Variants in POGZ observed in about 807,000 individuals in gnomAD.
POGZ encodes the protein pogo transposable element derived with ZNF domain.
In POGZ, 17 loss-of-function variants were observed where a neutral mutation model predicts 134.6. That is an observed-to-expected ratio of 0.13 (90% confidence interval 0.09 to 0.19). The LOEUF (loss-of-function observed/expected upper bound fraction) is 0.19. POGZ is among the 10% of genes least tolerant of loss of function. The pLI, the probability that POGZ is intolerant of heterozygous loss-of-function variation, is 1.00. For missense variants in POGZ, 1,306 were observed against 1,769.7 expected (o/e 0.74, Z 4.70); for synonymous variants, 693 against 657.1 (o/e 1.05, Z -0.84).
Position 151,403,792 on chromosome 1 carries a change from G to A in POGZ, c.*1010C>T, listed in dbSNP as rs367686859. The A allele has an allele frequency of 7.1e-6, 7 of 985,400 alleles. No homozygotes were observed. Among genetic ancestry groups the A allele is most frequent in the Non-Finnish European group, 7.2e-6 (6 of 829,906 alleles). The allele number at this position is 985,400 out of a possible 1,614,324, so 61.0% of individuals were successfully genotyped here. A position where few individuals can be genotyped will look rare whatever the true frequency, so the allele number is the denominator to read the frequency against. On this transcript the variant is annotated 3_prime_UTR_variant, in exon 19 of 19. Coordinates refer to ENST00000271715, the MANE Select transcript of POGZ (RefSeq NM_015100.4). The stretch of plus-strand genomic sequence containing the variant: ...CTTGAACAATTAGCTCCTGGCTGTA[G>A]GACCAGTAATCCCTTAAACAGGCAT...
intron 3 of POGZ, 83 bp from the exon 4 acceptor site, chr1:151,430,924 T>C (rs908772319): frequency 5.1e-6 from 3 of 591,574 alleles, no homozygotes; most frequent in African/African-American, 2.1e-5. Context: ...TTTTATTTTA[T>C]TTTATTTTAT....
intron 3 of POGZ, among the ~76,000 whole-genome samples, chr1:151,436,761 GGTT>G (rs1403462515): frequency 1.3e-5 from 2 of 152,182 alleles, no homozygotes; most frequent in African/African-American, 2.4e-5. Flanking sequence ...TATGGACACA[GGTT>G]GTTTTTACTT....
Position 151,423,625 on chromosome 1 carries a change from T to C in POGZ, c.1524-74A>G, listed in dbSNP as rs1219910907. Reference sequence around the variant, plus strand: ...GCCTTTTAGAAATATAATGGTAAAATCACAGAACAAACATTATCTGCTCCC... The same window carrying C: ...GCCTTTTAGAAATATAATGGTAAAACCACAGAACAAACATTATCTGCTCCC... On this transcript the variant is annotated intron_variant, in intron 9 of 18. Coordinates refer to ENST00000271715, the MANE Select transcript of POGZ (RefSeq NM_015100.4). 2.5e-6 allele frequency: 3 copies of C among 1,218,876 alleles called. No individual in the cohort carries two copies. In the African/African-American group the frequency reaches 4.5e-5, roughly 18 times the overall value. 75.5% of individuals were successfully genotyped at this position (1,218,876 alleles called of 1,614,324 possible).
chr1:151,428,564 C>T lies in POGZ; in HGVS notation c.569-151G>A, dbSNP rs1658153477. 4 of 712,356 alleles carry T rather than the reference C, an allele frequency of 5.6e-6. No individual in the cohort carries two copies. In the East Asian group the frequency reaches 1.0e-4, roughly 18 times the overall value. 44.1% of individuals were successfully genotyped at this position (712,356 alleles called of 1,614,324 possible). ...GTATAGATTCTAAAGACTAAGAAAG[C>T]ACAAGGTGTCCATGTTGACAAAATA... On this transcript the variant is annotated intron_variant, in intron 5 of 18. Coordinates refer to ENST00000271715, the MANE Select transcript of POGZ (RefSeq NM_015100.4).
chr1:151,424,298 G>A lies in POGZ; in HGVS notation c.1186-12C>T. ...TCTGGGCAACAGTACTATAAAGAAAGACATCTGATCATTCTGGTTATCCTG... is the reference window on the plus strand; with the variant it reads ...TCTGGGCAACAGTACTATAAAGAAAAACATCTGATCATTCTGGTTATCCTG... On this transcript the variant is annotated splice_polypyrimidine_tract_variant and intron_variant, in intron 8 of 18. Transcript: ENST00000271715. The A allele has an allele frequency of 1.3e-6, 2 of 1,496,324 alleles. No homozygotes were observed. The highest frequency in any genetic ancestry group is 9.1e-7 in the Non-Finnish European group (1 of 1,098,276). The allele number at this position is 1,496,324 out of a possible 1,614,324, so 92.7% of individuals were successfully genotyped here. A position where few individuals can be genotyped will look rare whatever the true frequency, so the allele number is the denominator to read the frequency against.
In POGZ at chr1:151,406,999, T is replaced by C. The variant is rs757066665; in HGVS notation, c.2457A>G (p.Ser819=). Residue 819 remains serine, a synonymous_variant, in exon 17 of 19, where the codon TCA becomes TCG. Coordinates refer to ENST00000271715, the MANE Select transcript of POGZ (RefSeq NM_015100.4). ...CGCCCACAGAGGTAACAAAGGTACA[T>C]GAAGTGCAGGCCAGCTTGATTCCAC... ...SVSGIKLACT[S]CTFVTSVGDA... The C allele has an allele frequency of 2.5e-6, 4 of 1,614,060 alleles. No individual in the cohort carries two copies. The highest frequency in any genetic ancestry group is 3.4e-6 in the Non-Finnish European group (4 of 1,179,922).
chr1:151,455,834 T>C (rs1194056143), intron 1 of POGZ, among the ~76,000 whole-genome samples: 1 of 151,602 alleles, frequency 6.6e-6, no homozygotes, highest in Non-Finnish European at 1.5e-5. Context: ...AGTATTTTAA[T>C]AACCTTTTCA....
At chr1:151,410,378 A>G (rs1049305475) in intron 12 of POGZ, among the ~76,000 whole-genome samples, 2 of 152,174 alleles carry the variant, frequency 1.3e-5, no homozygotes, top group African/African-American at 4.8e-5. Context: ...GCTCTCATCA[A>G]TGTTGCTAAA....
intron 1 of POGZ, among the ~76,000 whole-genome samples, chr1:151,443,588 C>T (rs2102378413): frequency 6.6e-6 from 1 of 152,268 alleles, no homozygotes; most frequent in East Asian, 1.9e-4. Context: ...GTGGTGCATG[C>T]CTGTAATCCC....
intron 1 of POGZ, chr1:151,455,062 G>C (rs1270164919): frequency 6.6e-6 from 1 of 151,390 alleles, no homozygotes; most frequent in Non-Finnish European, 1.5e-5. Flanking sequence ...AGCCGAGATT[G>C]CGCCATTACG....
intron 3 of POGZ, 126 bp downstream of exon 3, chr1:151,440,802 A>G: frequency 1.4e-6 from 1 of 714,960 alleles, no homozygotes; most frequent in Non-Finnish European, 2.4e-6. Context: ...AATCATTACT[A>G]AATTCATTTT....
At chr1:151,433,395 G>T (rs1571486847) in intron 3 of POGZ, among the ~76,000 whole-genome samples, 2 of 151,962 alleles carry the variant, frequency 1.3e-5, no homozygotes, top group South Asian at 4.1e-4. Flanking sequence ...ATCACCTGAA[G>T]TCAGGAGTTT....
intron 1 of POGZ, chr1:151,454,993 G>C (rs565883478): frequency 6.6e-6 from 1 of 152,154 alleles, no homozygotes; most frequent in East Asian, 1.9e-4. Context: ...TGTAATCCCA[G>C]CTACTGAGGA....
chr1:151,417,420 G>A (rs1193538902), intron 10 of POGZ, among the ~76,000 whole-genome samples: 4 of 150,458 alleles, frequency 2.7e-5, no homozygotes, highest in African/African-American at 4.9e-5. Context: ...TAGTGCAATG[G>A]TGTGATCTCA....
rs1469430737 is a variant in POGZ at position 151,403,498 on chromosome 1, T to C, written c.*1304A>G. On this transcript the variant is annotated 3_prime_UTR_variant, in exon 19 of 19. Coordinates refer to ENST00000271715, the MANE Select transcript of POGZ (RefSeq NM_015100.4). ...TCAGGATAAACAGAAGACTTGGTTT[T>C]TTGCTCCTTTTCTCTGTACGGTACA... The C allele has an allele frequency of 1.0e-6, 1 of 985,708 alleles. No homozygotes were observed. The highest frequency in any genetic ancestry group is 1.1e-4 in the East Asian group (1 of 8,834). 61.1% of individuals were successfully genotyped at this position (985,708 alleles called of 1,614,324 possible).
chr1:151,427,388 C>G (rs1305993549), intron 7 of POGZ: 1 of 186,208 alleles, frequency 5.4e-6, no homozygotes, highest in Non-Finnish European at 1.2e-5. Flanking sequence ...GCAACAGAGG[C>G]TATATATTGT....
intron 1 of POGZ, 176 bp from the exon 2 acceptor site, chr1:151,442,381 A>G (rs1660669335): frequency 4.3e-6 from 2 of 465,898 alleles, no homozygotes; most frequent in African/African-American, 2.0e-5. Context: ...CTATTATTGA[A>G]TATTAGAATC....
At chr1:151,417,180 A>T (rs896369945) in intron 10 of POGZ, among the ~76,000 whole-genome samples, 2 of 134,664 alleles carry the variant, frequency 1.5e-5, no homozygotes, top group Admixed American at 1.5e-4. Context: ...TCTCCTGCCT[A>T]AGCCTCCCGA....
chr1:151,403,610 G>A lies in POGZ; in HGVS notation c.*1192C>T, dbSNP rs1653078863. On this transcript the variant is annotated 3_prime_UTR_variant, in exon 19 of 19. Transcript: ENST00000271715. ...GAAAAAATTTTCTTTCCTTGAAGCT[G>A]GCAGTGAAAAATAAAGATTCATGTC... The A allele has an allele frequency of 2.0e-6, 2 of 985,678 alleles. No homozygotes were observed. The highest frequency in any genetic ancestry group is 2.4e-6 in the Non-Finnish European group (2 of 829,842). 61.1% of individuals were successfully genotyped at this position (985,678 alleles called of 1,614,324 possible).
Sources: allele counts gnomAD v4.1 joint callset (sites outside exome capture counted in the v4.1 genomes callset), GRCh38; gene constraint gnomAD v4.1.1; transcripts MANE v1.5; gene names NCBI Gene and HGNC (gene_info 2026-07-23, HGNC 2026-07-21).